CTNNA3: variants seen among roughly 807,000 people sequenced by gnomAD.
CTNNA3 encodes catenin alpha-3.
Under a neutral mutation model 95.7 loss-of-function variants are expected in CTNNA3, and 76 were observed. The ratio of observed to expected loss-of-function variants is 0.79; its 90% confidence interval spans 0.66 to 0.96. The LOEUF is 0.96. CTNNA3 is among the 40% of genes least tolerant of loss of function. CTNNA3 has a pLI of 0.00. For missense variants in CTNNA3, 1,191 were observed against 1,089.8 expected (o/e 1.09, Z -1.31); for synonymous variants, 431 against 374.4 (o/e 1.15, Z -1.74).
intron 15 of CTNNA3, among the ~76,000 whole-genome samples, chr10:66,006,558 C>G (rs202114651): frequency 6.6e-6 from 1 of 152,138 alleles, no homozygotes; most frequent in African/African-American, 2.4e-5. Context: ...AATACCATCA[C>G]ACTCTCTGAC....
chr10:67,536,657 G>T (rs1226419556), intron 4 of CTNNA3, among the ~76,000 whole-genome samples: 2 of 152,006 alleles, frequency 1.3e-5, no homozygotes, highest in Admixed American at 6.6e-5. Flanking sequence ...GAAGAGTTCT[G>T]GGGTCAAAAA....
chr10:66,491,967 TTAA>T (rs76570618), intron 11 of CTNNA3, among the ~76,000 whole-genome samples: 6,887 of 152,206 alleles, frequency 0.045, 464 homozygotes, highest in East Asian at 0.32. Context: ...CTCTCTTTTT[TTAA>T]TGTTTCCTAA....
At chr10:67,294,064 C>A (rs532030526) in intron 5 of CTNNA3, among the ~76,000 whole-genome samples, 3 of 152,096 alleles carry the variant, frequency 2.0e-5, no homozygotes, top group African/African-American at 7.2e-5. Context: ...TCTCCAAAGG[C>A]TTATCTAATA....
At chr10:67,058,392 T>C (rs1453990062) in intron 7 of CTNNA3, among the ~76,000 whole-genome samples, 1 of 152,222 alleles carries the variant, frequency 6.6e-6, no homozygotes, top group African/African-American at 2.4e-5. Flanking sequence ...TTATTCTTTT[T>C]TAAAGTCCAC....
intron 13 of CTNNA3, among the ~76,000 whole-genome samples, chr10:66,254,347 A>G (rs2090675986): frequency 6.6e-6 from 1 of 152,188 alleles, no homozygotes; most frequent in Non-Finnish European, 1.5e-5. Flanking sequence ...GAATGTATGC[A>G]TATTGAAACT....
At chr10:65,975,936 T>C (rs1589202519) in intron 16 of CTNNA3, among the ~76,000 whole-genome samples, 1 of 152,130 alleles carries the variant, frequency 6.6e-6, no homozygotes, top group African/African-American at 2.4e-5. Context: ...ACATGTAAAG[T>C]GTTTTATCTG....
At chr10:66,573,189 C>T (rs1842919056) in intron 10 of CTNNA3, among the ~76,000 whole-genome samples, 1 of 152,110 alleles carries the variant, frequency 6.6e-6, no homozygotes, top group African/African-American at 2.4e-5. Context: ...ATATTTTTCT[C>T]AAAATTTGGA....
At chr10:67,160,433 C>CTTTTT (rs71006132) in intron 7 of CTNNA3, among the ~76,000 whole-genome samples, 2 of 92,786 alleles carry the variant, frequency 2.2e-5, no homozygotes, top group Non-Finnish European at 4.1e-5. Flanking sequence ...TTCATCACAT[C>CTTTTT]TTTTTTTTTT....
intron 7 of CTNNA3, among the ~76,000 whole-genome samples, chr10:67,118,153 A>G (rs1251532396): frequency 6.6e-6 from 1 of 152,020 alleles, no homozygotes; most frequent in Non-Finnish European, 1.5e-5. Flanking sequence ...TAATCAATAA[A>G]GGTTGGAATA....
At chr10:67,156,517 G>T (rs367710117) in intron 7 of CTNNA3, among the ~76,000 whole-genome samples, 21 of 151,856 alleles carry the variant, frequency 1.4e-4, no homozygotes, top group East Asian at 9.7e-4. Flanking sequence ...AATTGCTTTA[G>T]ATTTATTCTT....
intron 4 of CTNNA3, 126 bp downstream of exon 4, chr10:67,539,377 G>A (rs543808717): frequency 1.0e-6 from 1 of 978,272 alleles, no homozygotes; most frequent in African/African-American, 1.6e-5. Flanking sequence ...AGTCTAGTCT[G>A]CTTCTGAAGG....
intron 13 of CTNNA3, among the ~76,000 whole-genome samples, chr10:66,150,075 G>A (rs2084114167): frequency 6.6e-6 from 1 of 152,134 alleles, no homozygotes. Context: ...GATATGGTTT[G>A]GCTGTGTCCC....
Position 66,763,329 on chromosome 10 carries a change from C to CAG in CTNNA3, c.1281+2934_1281+2935insCT, listed in dbSNP as rs1475215895. Among the ~76,000 whole-genome samples the CAG allele has an allele frequency of 1.2e-3, 84 of 71,116 alleles. No homozygotes were observed. In the South Asian group the frequency reaches 0.023, roughly 19 times the overall value. 46.7% of individuals were successfully genotyped at this position (71,116 alleles called of 152,430 possible). A position where few individuals can be genotyped will look rare whatever the true frequency, so the allele number is the denominator to read the frequency against. On this transcript the variant is annotated intron_variant, in intron 9 of 17. Coordinates refer to ENST00000433211, the MANE Select transcript of CTNNA3 (RefSeq NM_013266.4). ...ATAAACACACACACACACACACACA[C>CAG]ACACACACACACAGAGAGAGAGAGG...
intron 7 of CTNNA3, among the ~76,000 whole-genome samples, chr10:67,002,004 G>A (rs530846262): frequency 1.3e-5 from 2 of 152,228 alleles, no homozygotes; most frequent in South Asian, 2.1e-4. Context: ...CTTAGAGTCC[G>A]AAGACCTAGG....
chr10:66,971,473 C>A (rs924549047), intron 7 of CTNNA3, among the ~76,000 whole-genome samples: 2 of 152,050 alleles, frequency 1.3e-5, no homozygotes, highest in Non-Finnish European at 1.5e-5. Context: ...TTAGAATAAG[C>A]ATAAGACTGT....
intron 14 of CTNNA3, among the ~76,000 whole-genome samples, chr10:66,087,998 T>G (rs2081054573): frequency 6.6e-6 from 1 of 152,030 alleles, no homozygotes; most frequent in Admixed American, 6.6e-5. Context: ...TACTTTCTAT[T>G]AATGTAACTT....
At chr10:66,096,499 T>C (rs180845585) in intron 14 of CTNNA3, among the ~76,000 whole-genome samples, 15 of 150,922 alleles carry the variant, frequency 9.9e-5, no homozygotes, top group African/African-American at 3.4e-4. Flanking sequence ...TGTTGTTTTT[T>C]TCTTTTTTCT....
At chr10:67,342,247 G>A (rs1286799358) in intron 5 of CTNNA3, among the ~76,000 whole-genome samples, 2 of 151,420 alleles carry the variant, frequency 1.3e-5, no homozygotes, top group South Asian at 2.1e-4. Flanking sequence ...GACTACAGGC[G>A]CCCACCACCA....
chr10:66,360,744 C>CT (rs1215771181), intron 12 of CTNNA3, among the ~76,000 whole-genome samples: 2 of 35,334 alleles, frequency 5.7e-5, no homozygotes, highest in African/African-American at 2.1e-4. Context: ...TTCTTTCTTT[C>CT]TTCCTTCCTT....
Sources: allele counts gnomAD v4.1 joint callset (sites outside exome capture counted in the v4.1 genomes callset), GRCh38; gene constraint gnomAD v4.1.1; transcripts MANE v1.5; gene names NCBI Gene and HGNC (gene_info 2026-07-23, HGNC 2026-07-21).